COL6A5: variants seen among roughly 807,000 people sequenced by gnomAD.
The protein encoded by COL6A5 is collagen type VI alpha 5 chain.
A neutral mutation model predicts 65.6 loss-of-function variants in COL6A5; 48 were observed. The ratio of observed to expected loss-of-function variants is 0.73; its 90% confidence interval spans 0.58 to 0.93. The LOEUF (loss-of-function observed/expected upper bound fraction) is 0.93, where lower values mean the gene tolerates loss of function less well. Ranked by LOEUF, COL6A5 falls within the 40% of genes least tolerant of loss-of-function variation. The pLI, the probability that COL6A5 is intolerant of heterozygous loss-of-function variation, is 0.00. For missense variants in COL6A5, 914 were observed against 928.3 expected, an observed-to-expected ratio of 0.98 and a Z score of 0.20; for synonymous variants, 291 against 322.8, an observed-to-expected ratio of 0.90 and a Z score of 1.05.
At chr3:130,416,856 CAT>C (rs1170612354) in intron 24 of COL6A5, 37 bp downstream of exon 24, 10 of 1,084,774 alleles carry the variant, frequency 9.2e-6, no homozygotes, top group South Asian at 4.7e-5. Flanking sequence ...CTTTTAAAAA[CAT>C]ATTTTATATT....
At chr3:130,355,911 A>G (rs188461619) in intron 1 of COL6A5, among the ~76,000 whole-genome samples, 6 of 152,254 alleles carry the variant, frequency 3.9e-5, no homozygotes, top group Non-Finnish European at 5.9e-5. Context: ...AAAACAAAAG[A>G]GATTTGATAA....
At chr3:130,444,853 G>A (rs1028278457) in intron 4 of COL6A5, among the ~76,000 whole-genome samples, 6 of 152,290 alleles carry the variant, frequency 3.9e-5, no homozygotes, top group African/African-American at 1.4e-4. Flanking sequence ...TATGTCCAAT[G>A]ATAAGTTATC....
chr3:130,431,636 A>G (rs1207086782), exon 1 of COL6A5: 1 of 1,551,484 alleles, frequency 6.4e-7, no homozygotes, highest in Non-Finnish European at 8.7e-7. Flanking sequence ...GTTTCCTATA[A>G]CTCAGGCACC....
At chr3:130,376,998 A>G (rs1935809161) in intron 3 of COL6A5, among the ~76,000 whole-genome samples, 162 bp downstream of exon 3, 2 of 151,894 alleles carry the variant, frequency 1.3e-5, no homozygotes, top group Non-Finnish European at 2.9e-5. Context: ...TGCTTGTGCC[A>G]TTTTTTCTGA....
intron 1 of COL6A5, among the ~76,000 whole-genome samples, chr3:130,434,717 T>C (rs1937968302): frequency 6.6e-6 from 1 of 152,234 alleles, no homozygotes; most frequent in African/African-American, 2.4e-5. Flanking sequence ...ATATGTTTCT[T>C]AGCCACATAA....
chr3:130,354,091 A>G (rs1454313709), intron 1 of COL6A5, among the ~76,000 whole-genome samples: 3 of 151,900 alleles, frequency 2.0e-5, no homozygotes, highest in African/African-American at 7.2e-5. Context: ...ACAAAAAAAG[A>G]AAAGAAGAAA....
intron 5 of COL6A5, among the ~76,000 whole-genome samples, chr3:130,467,960 C>T (rs1709856966): frequency 6.6e-6 from 1 of 152,028 alleles, no homozygotes; most frequent in Non-Finnish European, 1.5e-5. Flanking sequence ...CCTCACCAAT[C>T]AGCCATCATT....
chr3:130,410,485 G>T, exon 20 of COL6A5: 1 of 1,550,870 alleles, frequency 6.4e-7, no homozygotes, highest in East Asian at 2.4e-5. Context: ...GAAGTGGACA[G>T]AAAGGGGTGC....
intron 7 of COL6A5, among the ~76,000 whole-genome samples, chr3:130,478,442 A>G (rs1305114803): frequency 6.6e-6 from 1 of 152,112 alleles, no homozygotes; most frequent in Non-Finnish European, 1.5e-5. Flanking sequence ...ATACTGGGGT[A>G]TACATACTGG....
At chr3:130,423,473 A>C (rs1937549645) in intron 28 of COL6A5, among the ~76,000 whole-genome samples, 1 of 152,084 alleles carries the variant, frequency 6.6e-6, no homozygotes. Context: ...TCCTCTTATG[A>C]GTGTAGGGAA....
At position 130,376,463 on chromosome 3, in the gene COL6A5, G is replaced by C. The variant is rs745883157; in HGVS notation, c.294G>C (p.Lys98Asn). 8.7e-6 allele frequency: 14 copies of C among 1,612,048 alleles called. No individual in the cohort carries two copies. Among genetic ancestry groups the C allele is most frequent in the Non-Finnish European group, 1.0e-5 (12 of 1,178,980 alleles). ...GAAGCCCCATGCTGAACCACCTCAA[G>C]AAGAACTTTCAGTTCATTGGCGGGT... Residue 98 changes from lysine to asparagine, a missense_variant and NMD_transcript_variant, in exon 3 of 42, where the codon AAG becomes AAC. Physicochemically the swap from Lys to Asn is moderately conservative, Grantham distance 94. Coordinates refer to the COL6A5 transcript ENST00000312481.
At chr3:130,388,707 CA>C in exon 6 of COL6A5, 1 of 1,551,258 alleles carries the variant, frequency 6.4e-7, no homozygotes. Flanking sequence ...TTGGTGCAGA[CA>C]AAACCCAGAT....
intron 23 of COL6A5, 128 bp from the exon 24 acceptor site, chr3:130,416,629 G>T: frequency 1.5e-6 from 1 of 659,174 alleles, no homozygotes; most frequent in South Asian, 1.8e-5. Context: ...CTCCTGGGTG[G>T]CTGGATCTTT....
At chr3:130,397,807 A>G in exon 9 of COL6A5, 1 of 1,551,662 alleles carries the variant, frequency 6.4e-7, no homozygotes, top group African/African-American at 1.4e-5. Context: ...AATCTATCAG[A>G]AAGCAGTGTT....
chr3:130,391,378 G>A (rs1304744133), exon 7 of COL6A5: 4 of 1,551,572 alleles, frequency 2.6e-6, no homozygotes, highest in East Asian at 2.4e-5. Context: ...ATACATACTC[G>A]AACAGATCAG....
At chr3:130,475,446 TG>T (rs1553761343) in intron 7 of COL6A5, among the ~76,000 whole-genome samples, 1 of 152,032 alleles carries the variant, frequency 6.6e-6, no homozygotes, top group Non-Finnish European at 1.5e-5. Flanking sequence ...TAGAAGACAG[TG>T]GAACAACTTC....
chr3:130,428,129 A>G (rs1937647438), upstream of COL6A5, among the ~76,000 whole-genome samples: 1 of 152,180 alleles, frequency 6.6e-6, no homozygotes, highest in Admixed American at 6.5e-5. Context: ...GTTTTCCAAC[A>G]TAGAATAAAA....
exon 11 of COL6A5, chr3:130,401,084 T>C (rs1936798048): frequency 6.4e-7 from 1 of 1,551,282 alleles, no homozygotes; most frequent in African/African-American, 1.4e-5. Context: ...TCATGAGTTT[T>C]CTAGCTTTGA....
At chr3:130,429,549 C>T (rs1937706292), upstream of COL6A5, 1 of 1,543,174 alleles carries the variant, frequency 6.5e-7, no homozygotes, top group Non-Finnish European at 8.7e-7. Flanking sequence ...AGGTAACAAA[C>T]TTTTCCCTCT....
Sources: gnomAD v4.1 joint callset for allele counts (sites outside exome capture counted in the v4.1 genomes callset) on GRCh38, gnomAD v4.1.1 for gene constraint, MANE v1.5 for transcripts, NCBI Gene and HGNC (gene_info 2026-07-23, HGNC 2026-07-21) for gene names.